The following AGBL4 variants were observed in gnomAD, a reference collection of about 807,000 sequenced individuals.
The protein encoded by AGBL4 is cytosolic carboxypeptidase 6.
A neutral mutation model predicts 66.4 loss-of-function variants in AGBL4; 58 were observed. That is an observed-to-expected ratio of 0.87 (90% CI 0.71 to 1.09). The LOEUF (loss-of-function observed/expected upper bound fraction) is 1.09. Ranked by LOEUF, AGBL4 falls within the 50% of genes least tolerant of loss-of-function variation. AGBL4 has a pLI of 0.00. For missense variants in AGBL4, 579 were observed against 631.0 expected, an observed-to-expected ratio of 0.92 and a Z score of 0.88; for synonymous variants, 234 against 222.9, an observed-to-expected ratio of 1.05 and a Z score of -0.44.
intron 2 of AGBL4, among the ~76,000 whole-genome samples, chr1:49,770,157 A>T (rs1250331753): frequency 6.6e-6 from 1 of 152,178 alleles, no homozygotes; most frequent in Non-Finnish European, 1.5e-5. Flanking sequence ...AACATGGTGA[A>T]ACCCCATCTG....
intron 2 of AGBL4, among the ~76,000 whole-genome samples, chr1:49,704,992 A>G (rs1001065887): frequency 1.3e-5 from 2 of 152,186 alleles, no homozygotes; most frequent in African/African-American, 4.8e-5. Context: ...TGGGAATAGC[A>G]CTGTATCTAT....
At chr1:49,330,082 T>A (rs1645303187) in intron 3 of AGBL4, among the ~76,000 whole-genome samples, 1 of 152,188 alleles carries the variant, frequency 6.6e-6, no homozygotes, top group Admixed American at 6.5e-5. Flanking sequence ...ATTGTGATAT[T>A]TCCTATTTGG....
chr1:49,004,951 T>C (rs1455063146), intron 5 of AGBL4, among the ~76,000 whole-genome samples: 1 of 152,192 alleles, frequency 6.6e-6, no homozygotes, highest in Non-Finnish European at 1.5e-5. Context: ...TAGAGCAAGA[T>C]GTTTGATGAG....
intron 6 of AGBL4, among the ~76,000 whole-genome samples, chr1:48,725,237 T>A (rs1028968782): frequency 6.6e-6 from 1 of 152,206 alleles, no homozygotes; most frequent in Non-Finnish European, 1.5e-5. Context: ...GGTCTTCTAA[T>A]GACTTTAACT....
chr1:49,473,120 T>C (rs1234463959), intron 3 of AGBL4, among the ~76,000 whole-genome samples: 1 of 152,090 alleles, frequency 6.6e-6, no homozygotes, highest in Admixed American at 6.6e-5. Context: ...ATCATGCAAA[T>C]GCATGTATTT....
chr1:48,687,668 C>T (rs1296577054), intron 6 of AGBL4, among the ~76,000 whole-genome samples: 1 of 152,230 alleles, frequency 6.6e-6, no homozygotes, highest in Non-Finnish European at 1.5e-5. Flanking sequence ...TACTTCCTGA[C>T]CTCTCTGAGC....
intron 3 of AGBL4, among the ~76,000 whole-genome samples, chr1:49,693,933 T>C (rs1336046672): frequency 1.3e-5 from 2 of 152,178 alleles, no homozygotes; most frequent in Non-Finnish European, 2.9e-5. Context: ...CATTTAGTTT[T>C]CATTGATTCT....
At chr1:49,078,039 C>T (rs1644743234) in intron 4 of AGBL4, among the ~76,000 whole-genome samples, 1 of 152,082 alleles carries the variant, frequency 6.6e-6, no homozygotes, top group Non-Finnish European at 1.5e-5. Context: ...AAGGTCCACA[C>T]CTTACTGATG....
rs184318526 is a variant in AGBL4, at chr1:48,725,779, A to G, written c.635-62538T>C. 2.0e-5 allele frequency among the ~76,000 whole-genome samples: 3 copies of G among 152,330 alleles called. No homozygotes were observed. In the East Asian group the frequency reaches 5.8e-4, roughly 29 times the overall value. On this transcript the variant is annotated intron_variant, in intron 6 of 13. Coordinates refer to ENST00000371839, the MANE Select transcript of AGBL4 (RefSeq NM_032785.4). ...AATGATGGTCTTGCCCTCATATTAC[A>G]ATAACAAGGCACCATGTACACAACA...
chr1:49,336,754 A>G (rs1343289435), intron 3 of AGBL4, among the ~76,000 whole-genome samples: 1 of 152,224 alleles, frequency 6.6e-6, no homozygotes, highest in Admixed American at 6.5e-5. Flanking sequence ...TTCTTCTATT[A>G]GAAAGTAAGA....
chr1:48,898,985 C>T (rs1008303589), intron 5 of AGBL4, among the ~76,000 whole-genome samples: 1 of 152,228 alleles, frequency 6.6e-6, no homozygotes, highest in Non-Finnish European at 1.5e-5. Context: ...TGTCTCTCCC[C>T]GACCCCAGAG....
intron 9 of AGBL4, among the ~76,000 whole-genome samples, chr1:48,632,500 T>G (rs1181593124): frequency 6.6e-6 from 1 of 152,172 alleles, no homozygotes; most frequent in Non-Finnish European, 1.5e-5. Flanking sequence ...GCCCCTAAAC[T>G]CCCATTTCTC....
intron 9 of AGBL4, among the ~76,000 whole-genome samples, chr1:48,619,902 G>T (rs1373308362): frequency 6.6e-6 from 1 of 152,264 alleles, no homozygotes; most frequent in Non-Finnish European, 1.5e-5. Context: ...GTCTGGAATC[G>T]CCCTTGGGGG....
At position 49,763,157 on chromosome 1, in the gene AGBL4, G is replaced by C. The variant is rs1363075116; in HGVS notation, c.158-65720C>G. 5.3e-5 allele frequency among the ~76,000 whole-genome samples: 8 copies of C among 152,148 alleles called. No individual in the cohort carries two copies. The East Asian group carries it at 1.6e-3, about 29-fold the overall frequency. ...TGTCTTTTCCCAATGTGTGTTCCTG[G>C]CACCTTTGTCAAAAATCAGTTGGTT... On this transcript the variant is annotated intron_variant, in intron 2 of 13. Coordinates refer to ENST00000371839, the MANE Select transcript of AGBL4 (RefSeq NM_032785.4).
intron 3 of AGBL4, among the ~76,000 whole-genome samples, chr1:49,472,569 A>G (rs1646766368): frequency 1.3e-5 from 2 of 152,204 alleles, no homozygotes; most frequent in South Asian, 4.1e-4. Context: ...CAGATTATCC[A>G]GCAATTCCAC....
chr1:49,652,106 G>A (rs1251693552), intron 3 of AGBL4, among the ~76,000 whole-genome samples: 1 of 152,096 alleles, frequency 6.6e-6, no homozygotes, highest in Non-Finnish European at 1.5e-5. Context: ...TTCAGAGCTT[G>A]AAGGCCAGTC....
At chr1:48,681,763 A>G (rs17104647) in intron 6 of AGBL4, among the ~76,000 whole-genome samples, 5,185 of 152,158 alleles carry the variant, frequency 0.034, 320 homozygotes, top group African/African-American at 0.12. Flanking sequence ...GGGATGCGTT[A>G]CCTCACTCTT....
intron 1 of AGBL4, among the ~76,000 whole-genome samples, chr1:49,980,620 T>C (rs1167640873): frequency 2.0e-5 from 3 of 152,190 alleles, no homozygotes; most frequent in Non-Finnish European, 4.4e-5. Flanking sequence ...TAAGACTGAG[T>C]AATATTCTAT....
chr1:49,540,602 A>T (rs1399404149), intron 3 of AGBL4, among the ~76,000 whole-genome samples: 1 of 152,208 alleles, frequency 6.6e-6, no homozygotes, highest in Non-Finnish European at 1.5e-5. Flanking sequence ...TAGCAAAAGG[A>T]TGTATACTAT....
Sources: gnomAD v4.1 joint callset for allele counts (sites outside exome capture counted in the v4.1 genomes callset) on GRCh38, gnomAD v4.1.1 for gene constraint, MANE v1.5 for transcripts, NCBI Gene and HGNC (gene_info 2026-07-23, HGNC 2026-07-21) for gene names.